The following RGS7 variants were observed in gnomAD, a reference collection of about 807,000 sequenced individuals.
RGS7 encodes regulator of G protein signaling 7.
RGS7 carries 27 observed loss-of-function variants against 81.1 expected under a neutral mutation model. The ratio of observed to expected loss-of-function variants is 0.33; its 90% CI spans 0.25 to 0.46. The LOEUF is 0.46. Among genes scored for constraint, RGS7 ranks in the 20% least tolerant of loss-of-function variants. The pLI is 1.00. For missense variants in RGS7, 396 were observed against 607.4 expected, an observed-to-expected ratio of 0.65 and a Z score of 3.66; for synonymous variants, 208 against 207.7, an observed-to-expected ratio of 1.00 and a Z score of -0.01.
At chr1:241,082,938 T>C (rs565806939) in intron 3 of RGS7, among the ~76,000 whole-genome samples, 2 of 152,050 alleles carry the variant, frequency 1.3e-5, no homozygotes, top group Non-Finnish European at 2.9e-5. Flanking sequence ...AAAAGAATTA[T>C]ATTAGGCTGG....
intron 2 of RGS7, among the ~76,000 whole-genome samples, chr1:241,315,107 C>CTTTT (rs5782184): frequency 0.02 from 1,169 of 57,418 alleles, 190 homozygotes; most frequent in South Asian, 0.028. Context: ...TCTTCTTCTT[C>CTTTT]TTTTTTTTTT....
intron 9 of RGS7, among the ~76,000 whole-genome samples, chr1:240,862,038 C>G (rs1662299116): frequency 6.6e-6 from 1 of 152,140 alleles, no homozygotes; most frequent in African/African-American, 2.4e-5. Context: ...TTATCTTTGT[C>G]ATCCTACAAT....
chr1:240,784,474 A>G (rs1240548222), intron 18 of RGS7, among the ~76,000 whole-genome samples: 2 of 151,138 alleles, frequency 1.3e-5, no homozygotes, highest in Non-Finnish European at 3.0e-5. Context: ...CCTCGTCTCT[A>G]CAAAAAAAAA....
intron 2 of RGS7, among the ~76,000 whole-genome samples, chr1:241,312,899 G>C (rs1381964437): frequency 6.6e-6 from 1 of 152,118 alleles, no homozygotes; most frequent in African/African-American, 2.4e-5. Flanking sequence ...AAAATTAAAA[G>C]TGCTACTCCA....
intron 2 of RGS7, among the ~76,000 whole-genome samples, chr1:241,337,308 C>T (rs541603925): frequency 6.6e-5 from 10 of 152,210 alleles, no homozygotes; most frequent in Non-Finnish European, 1.2e-4. Context: ...CTGACTCAAA[C>T]GGCCTCTCCA....
intron 3 of RGS7, among the ~76,000 whole-genome samples, chr1:241,048,616 G>A (rs1245302948): frequency 2.6e-5 from 4 of 152,136 alleles, no homozygotes; most frequent in African/African-American, 7.2e-5. Flanking sequence ...TCAGGGCTGC[G>A]ATGTTCTCAC....
chr1:240,962,546 A>G (rs956587573), intron 4 of RGS7, among the ~76,000 whole-genome samples: 3 of 152,192 alleles, frequency 2.0e-5, no homozygotes, highest in African/African-American at 7.2e-5. Context: ...GTCTATAGGA[A>G]GTCAGTAGTC....
intron 2 of RGS7, among the ~76,000 whole-genome samples, chr1:241,266,064 G>A (rs545614913): frequency 6.6e-6 from 1 of 152,200 alleles, no homozygotes; most frequent in South Asian, 2.1e-4. Flanking sequence ...AAAGTGCTGG[G>A]ATTACAGGCA....
intron 2 of RGS7, among the ~76,000 whole-genome samples, chr1:241,208,196 G>A (rs1029979616): frequency 5.9e-5 from 9 of 152,078 alleles, no homozygotes; most frequent in African/African-American, 1.9e-4. Flanking sequence ...GAGCCACCGC[G>A]CCTGGACCAT....
At chr1:240,800,614 CTT>C in intron 18 of RGS7, 25 bp downstream of exon 18, 1 of 1,419,620 alleles carries the variant, frequency 7.0e-7, no homozygotes, top group Non-Finnish European at 9.7e-7. Flanking sequence ...TGCAGACAAA[CTT>C]GAGTATAAAC....
At chr1:241,246,625 G>C (rs78632647) in intron 2 of RGS7, among the ~76,000 whole-genome samples, 4,672 of 152,242 alleles carry the variant, frequency 0.031, 240 homozygotes, top group African/African-American at 0.11. Flanking sequence ...ATCTACCTGT[G>C]AGTAGTCCTT....
intron 2 of RGS7, among the ~76,000 whole-genome samples, chr1:241,220,194 A>T (rs936258750): frequency 6.6e-6 from 1 of 152,170 alleles, no homozygotes; most frequent in African/African-American, 2.4e-5. Flanking sequence ...CAAATTTGCA[A>T]CTCCAGATCT....
chr1:241,270,819 C>T (rs1201931360), intron 2 of RGS7, among the ~76,000 whole-genome samples: 3 of 148,820 alleles, frequency 2.0e-5, no homozygotes, highest in South Asian at 2.3e-4. Flanking sequence ...GTCCAGTTGG[C>T]GCCATCTTGG....
At chr1:240,910,313 C>T (rs1267710354) in intron 6 of RGS7, among the ~76,000 whole-genome samples, 2 of 152,064 alleles carry the variant, frequency 1.3e-5, no homozygotes, top group African/African-American at 2.4e-5. Context: ...GAAGACATTA[C>T]GGTAGGTGAA....
At chr1:241,094,047 G>A (rs1380103838) in intron 3 of RGS7, among the ~76,000 whole-genome samples, 1 of 152,030 alleles carries the variant, frequency 6.6e-6, no homozygotes, top group Non-Finnish European at 1.5e-5. Flanking sequence ...CAGACTGCTG[G>A]ACTGTGCCTG....
chr1:240,937,183 G>T (rs1572861608), intron 4 of RGS7, among the ~76,000 whole-genome samples: 1 of 152,186 alleles, frequency 6.6e-6, no homozygotes, highest in Non-Finnish European at 1.5e-5. Context: ...AGCCAATGGG[G>T]ACAGGACACA....
chr1:240,904,732 T>C (rs1375992771), intron 6 of RGS7, among the ~76,000 whole-genome samples: 1 of 152,236 alleles, frequency 6.6e-6, no homozygotes, highest in Non-Finnish European at 1.5e-5. Context: ...ATATTGATCA[T>C]TAGCCAATCA....
intron 9 of RGS7, among the ~76,000 whole-genome samples, chr1:240,855,248 C>T (rs1464483268): frequency 5.0e-5 from 7 of 140,794 alleles, no homozygotes; most frequent in Admixed American, 7.3e-5. Flanking sequence ...TTAACAAGCG[C>T]GTCCATAGAT....
intron 2 of RGS7, among the ~76,000 whole-genome samples, chr1:241,180,800 C>T (rs1025498599): frequency 6.6e-6 from 1 of 152,332 alleles, no homozygotes; most frequent in East Asian, 1.9e-4. Flanking sequence ...GCACGGGAGT[C>T]AAGAGCTCTC....
Sources: allele counts gnomAD v4.1 joint callset (sites outside exome capture counted in the v4.1 genomes callset), GRCh38; gene constraint gnomAD v4.1.1; transcripts MANE v1.5; gene names NCBI Gene and HGNC (gene_info 2026-07-23, HGNC 2026-07-21).